Variants in WDR27 observed in about 807,000 individuals in gnomAD.
The protein encoded by WDR27 is WD repeat domain 27.
A neutral mutation model predicts 114.4 loss-of-function variants in WDR27; 100 were observed. The ratio of observed to expected loss-of-function variants is 0.87; its 90% CI spans 0.74 to 1.03. The LOEUF is 1.03. WDR27 is among the 50% of genes least tolerant of loss of function. The pLI, the probability that WDR27 is intolerant of heterozygous loss-of-function variation, is 0.00. For missense variants in WDR27, 1,129 were observed against 1,092.9 expected (o/e 1.03, Z -0.47); for synonymous variants, 449 against 423.1 (o/e 1.06, Z -0.75).
chr6:169,582,111 T>A (rs1050303090), intron 24 of WDR27, among the ~76,000 whole-genome samples: 1 of 152,118 alleles, frequency 6.6e-6, no homozygotes, highest in Non-Finnish European at 1.5e-5. Context: ...GTAGCTGGGA[T>A]TATACGCGCC....
At chr6:169,658,939 G>C (rs1185901977) in intron 12 of WDR27, 147 bp downstream of exon 12, 1 of 1,060,464 alleles carries the variant, frequency 9.4e-7, no homozygotes, top group African/African-American at 1.6e-5. Flanking sequence ...CACCCGCCTC[G>C]GCCTCCCAAA....
intron 25 of WDR27, among the ~76,000 whole-genome samples, chr6:169,554,736 G>A (rs982973457): frequency 3.3e-5 from 5 of 152,104 alleles, no homozygotes; most frequent in East Asian, 1.9e-4. Context: ...AAGGGGATTC[G>A]CTGTACTTTC....
chr6:169,697,800 C>G (rs1251008722), intron 1 of WDR27, among the ~76,000 whole-genome samples: 1 of 152,222 alleles, frequency 6.6e-6, no homozygotes, highest in Admixed American at 6.5e-5. Context: ...GCCCCTTTGT[C>G]TTGTATCCAA....
intron 21 of WDR27, among the ~76,000 whole-genome samples, chr6:169,631,383 T>C (rs994931294): frequency 6.6e-6 from 1 of 151,828 alleles, no homozygotes; most frequent in Admixed American, 6.6e-5. Context: ...AGCCTTCTCC[T>C]ATTGAAACTT....
intron 25 of WDR27, among the ~76,000 whole-genome samples, chr6:169,539,844 G>A (rs573024057): frequency 3.9e-4 from 59 of 152,230 alleles, no homozygotes; most frequent in African/African-American, 1.3e-3. Context: ...CACATTCCCA[G>A]GGCTATACAA....
At chr6:169,539,680 T>C (rs556937615) in intron 25 of WDR27, among the ~76,000 whole-genome samples, 15 of 152,298 alleles carry the variant, frequency 9.8e-5, no homozygotes, top group South Asian at 8.3e-4. Context: ...TGCTGGGTGC[T>C]GTTCCTGATC....
chr6:169,595,803 A>G (rs1350026957), intron 23 of WDR27, among the ~76,000 whole-genome samples: 1 of 147,276 alleles, frequency 6.8e-6, no homozygotes, highest in Admixed American at 6.8e-5. Context: ...TTTTTTTTCA[A>G]TATAACTCAA....
intron 23 of WDR27, among the ~76,000 whole-genome samples, chr6:169,588,252 T>G (rs1805037761): frequency 6.6e-6 from 1 of 152,210 alleles, no homozygotes; most frequent in Non-Finnish European, 1.5e-5. Context: ...TATGAAGTGA[T>G]GATTTCATAC....
intron 25 of WDR27, among the ~76,000 whole-genome samples, chr6:169,508,470 T>C (rs1433915699): frequency 1.3e-5 from 2 of 152,074 alleles, no homozygotes; most frequent in Non-Finnish European, 2.9e-5. Context: ...ATTTTTAATT[T>C]CTTTTTTTTT....
chr6:169,670,519 G>T, intron 4 of WDR27, 50 bp downstream of exon 4: 4 of 1,607,984 alleles, frequency 2.5e-6, no homozygotes, highest in South Asian at 1.1e-5. Context: ...AACCTGGGAG[G>T]CCCCATCAGC....
chr6:169,641,837 G>T (rs1034462780), intron 17 of WDR27, among the ~76,000 whole-genome samples: 1 of 152,376 alleles, frequency 6.6e-6, no homozygotes, highest in Admixed American at 6.5e-5. Flanking sequence ...TAGCTCCAGG[G>T]CGCGTCACAG....
intron 2 of WDR27, among the ~76,000 whole-genome samples, chr6:169,675,961 T>C (rs1246755369): frequency 1.3e-5 from 2 of 152,222 alleles, no homozygotes; most frequent in East Asian, 3.9e-4. Context: ...TTTCAAGGTA[T>C]GGCAAGGAAA....
chr6:169,665,188 C>T (rs1827487259), intron 7 of WDR27: 6 of 1,133,366 alleles, frequency 5.3e-6, no homozygotes, highest in Non-Finnish European at 6.5e-6. Flanking sequence ...GCTCACAGCC[C>T]TCTTCTCAGC....
chr6:169,619,966 G>T (rs1299617724), intron 21 of WDR27, among the ~76,000 whole-genome samples: 1 of 152,202 alleles, frequency 6.6e-6, no homozygotes, highest in African/African-American at 2.4e-5. Context: ...AAAGACACAT[G>T]TTTTGGAGTG....
intron 24 of WDR27, among the ~76,000 whole-genome samples, chr6:169,578,555 TC>T (rs1359847458): frequency 1.3e-5 from 2 of 152,184 alleles, no homozygotes; most frequent in Non-Finnish European, 2.9e-5. Context: ...ACATAGAAGC[TC>T]CCAGGGGGGC....
In WDR27 at chr6:169,666,429, C is replaced by T. The variant is rs1026044883; in HGVS notation, c.712+707G>A. The T allele has an allele frequency of 4.5e-5, 44 of 985,434 alleles. No homozygotes were observed. The South Asian group carries it at 1.7e-3, about 38-fold the overall frequency. 61.0% of individuals were successfully genotyped at this position (985,434 alleles called of 1,614,324 possible). ...TCATGTCACTTACCGCATGGAAGAA[C>T]GCTCTCCTTTTAATTCCCTAACTCT... On this transcript the variant is annotated intron_variant, in intron 6 of 25. Coordinates refer to ENST00000448612, the MANE Select transcript of WDR27 (RefSeq NM_182552.5).
chr6:169,551,663 G>C (rs1036438989), intron 25 of WDR27, among the ~76,000 whole-genome samples: 10 of 148,198 alleles, frequency 6.7e-5, no homozygotes, highest in African/African-American at 2.2e-4. Flanking sequence ...CTTGAACCCA[G>C]GAGGTGGAGG....
intron 2 of WDR27, among the ~76,000 whole-genome samples, chr6:169,687,233 A>C (rs778718134): frequency 6.6e-6 from 1 of 152,180 alleles, no homozygotes; most frequent in Non-Finnish European, 1.5e-5. Flanking sequence ...ACTTGTATCA[A>C]AATATTACAT....
chr6:169,443,470 G>A, the WDR27 span, among the ~76,000 whole-genome samples: 1 of 152,224 alleles, frequency 6.6e-6, no homozygotes, highest in Admixed American at 6.5e-5. Context: ...GTGGTGCTGT[G>A]TGTACATTTT....
Sources: allele counts gnomAD v4.1 joint callset (sites outside exome capture counted in the v4.1 genomes callset), GRCh38; gene constraint gnomAD v4.1.1; transcripts MANE v1.5; gene names NCBI Gene and HGNC (gene_info 2026-07-23, HGNC 2026-07-21).